Variants in PCDH15 observed in about 807,000 individuals in gnomAD.
The protein encoded by PCDH15 is protocadherin-15.
A neutral mutation model predicts 178.5 loss-of-function variants in PCDH15; 129 were observed. That is an observed-to-expected ratio of 0.72 (90% confidence interval 0.63 to 0.84). PCDH15 has a LOEUF of 0.84. Ranked by LOEUF, PCDH15 falls within the 40% of genes least tolerant of loss-of-function variation. The pLI is 0.00. For missense variants in PCDH15, 2,230 were observed against 2,099.9 expected (o/e 1.06, Z -1.21); for synonymous variants, 800 against 732.0 (o/e 1.09, Z -1.50).
At chr10:54,779,425 C>T (rs1950052128) in intron 1 of PCDH15, among the ~76,000 whole-genome samples, 1 of 122,602 alleles carries the variant, frequency 8.2e-6, no homozygotes, top group Admixed American at 8.9e-5. Flanking sequence ...TATATATACA[C>T]ACACATATGT....
At chr10:55,578,456 C>G (rs915219168) in intron 2 of PCDH15, among the ~76,000 whole-genome samples, 1 of 152,086 alleles carries the variant, frequency 6.6e-6, no homozygotes, top group South Asian at 2.1e-4. Context: ...GCTGACCTCA[C>G]GATGCGCCCG....
chr10:53,927,056 G>A (rs960818360), intron 25 of PCDH15, among the ~76,000 whole-genome samples: 4 of 152,034 alleles, frequency 2.6e-5, no homozygotes, highest in Non-Finnish European at 5.9e-5. Context: ...TATTAGATGT[G>A]CCTCAAAAAT....
At chr10:55,601,250 A>G (rs766272310) in intron 2 of PCDH15, among the ~76,000 whole-genome samples, 1 of 152,208 alleles carries the variant, frequency 6.6e-6, no homozygotes, top group South Asian at 2.1e-4. Context: ...ACATACACTT[A>G]TATATTGAAT....
At chr10:55,440,907 C>T (rs1389904300) in intron 2 of PCDH15, among the ~76,000 whole-genome samples, 1 of 152,064 alleles carries the variant, frequency 6.6e-6, no homozygotes, top group Non-Finnish European at 1.5e-5. Context: ...AGGGGTTTCC[C>T]CATATAAAAC....
At chr10:55,361,005 C>T (rs1256617478) in intron 2 of PCDH15, among the ~76,000 whole-genome samples, 2 of 151,860 alleles carry the variant, frequency 1.3e-5, no homozygotes, top group East Asian at 3.9e-4. Flanking sequence ...CATAGCAACA[C>T]GAACGAACTG....
chr10:55,500,097 T>C (rs1240938962), intron 2 of PCDH15, among the ~76,000 whole-genome samples: 8 of 151,738 alleles, frequency 5.3e-5, no homozygotes. Flanking sequence ...AAATTGTTAA[T>C]GGTGATTATG....
At chr10:54,553,339 T>G (rs1032141147) in intron 2 of PCDH15, among the ~76,000 whole-genome samples, 9 of 151,966 alleles carry the variant, frequency 5.9e-5, no homozygotes, top group African/African-American at 2.2e-4. Context: ...ACTGTGATGG[T>G]GGGGTCTAGG....
chr10:54,386,510 A>C (rs1949954020), intron 3 of PCDH15, among the ~76,000 whole-genome samples: 1 of 152,096 alleles, frequency 6.6e-6, no homozygotes, highest in Admixed American at 6.6e-5. Context: ...TTCAAATATT[A>C]ATCAGAGAAC....
At chr10:55,018,788 CA>C (rs1360537145) in intron 2 of PCDH15, among the ~76,000 whole-genome samples, 3 of 152,056 alleles carry the variant, frequency 2.0e-5, no homozygotes, top group Non-Finnish European at 4.4e-5. Flanking sequence ...GCAGCTAGAA[CA>C]TTTTGTTGAC....
At chr10:54,101,061 G>A (rs890572613) in intron 15 of PCDH15, among the ~76,000 whole-genome samples, 1 of 152,090 alleles carries the variant, frequency 6.6e-6, no homozygotes, top group African/African-American at 2.4e-5. Context: ...TTGTGGGAGA[G>A]ACCTGGTAGG....
intron 3 of PCDH15, among the ~76,000 whole-genome samples, chr10:54,397,402 C>T (rs1951379066): frequency 6.6e-6 from 1 of 152,016 alleles, no homozygotes; most frequent in Non-Finnish European, 1.5e-5. Context: ...CCCTTCACTT[C>T]CTCCAATGCT....
At chr10:55,529,778 T>TATATATATATATATATATA (rs1841405590) in intron 2 of PCDH15, among the ~76,000 whole-genome samples, 1 of 138,308 alleles carries the variant, frequency 7.2e-6, no homozygotes, top group African/African-American at 2.7e-5. Context: ...TATATATATA[T>TATATATATATATATATATA]TTGATTACCA....
intron 13 of PCDH15, among the ~76,000 whole-genome samples, chr10:54,161,944 A>C (rs1226598083): frequency 6.6e-6 from 1 of 152,066 alleles, no homozygotes; most frequent in Admixed American, 6.6e-5. Flanking sequence ...TTGTTGTCTC[A>C]CTGATTGGCA....
At chr10:54,647,591 GT>G (rs1239251647) in intron 2 of PCDH15, among the ~76,000 whole-genome samples, 1 of 152,094 alleles carries the variant, frequency 6.6e-6, no homozygotes, top group African/African-American at 2.4e-5. Flanking sequence ...CTTTATGGCT[GT>G]TAGATGTAGG....
At chr10:55,613,145 C>T (rs544446657) in intron 2 of PCDH15, among the ~76,000 whole-genome samples, 3 of 150,918 alleles carry the variant, frequency 2.0e-5, no homozygotes, top group Non-Finnish European at 4.4e-5. Context: ...CAGACAGTGT[C>T]CAGTCAGAAA....
At chr10:55,408,227 T>C (rs561410055) in intron 2 of PCDH15, among the ~76,000 whole-genome samples, 65 of 151,306 alleles carry the variant, frequency 4.3e-4, no homozygotes, top group African/African-American at 1.6e-3. Flanking sequence ...CACTTGTCAC[T>C]GAGGCTGGAG....
chr10:54,708,228 G>T (rs1448956988), intron 1 of PCDH15, among the ~76,000 whole-genome samples: 1 of 152,188 alleles, frequency 6.6e-6, no homozygotes, highest in Non-Finnish European at 1.5e-5. Context: ...TTGCTAAATA[G>T]AAGTGGAATA....
At chr10:54,723,717 C>A (rs1942035778) in intron 1 of PCDH15, among the ~76,000 whole-genome samples, 1 of 149,980 alleles carries the variant, frequency 6.7e-6, no homozygotes, top group African/African-American at 2.5e-5. Context: ...AATAATTCCA[C>A]TGAAGAGTGG....
intron 2 of PCDH15, among the ~76,000 whole-genome samples, chr10:55,025,974 A>T (rs1840466006): frequency 6.6e-6 from 1 of 152,040 alleles, no homozygotes; most frequent in Non-Finnish European, 1.5e-5. Context: ...CAGAATATTA[A>T]GATGAAAAAA....
Sources: gnomAD v4.1 joint callset for allele counts (sites outside exome capture counted in the v4.1 genomes callset) on GRCh38, gnomAD v4.1.1 for gene constraint, MANE v1.5 for transcripts, NCBI Gene and HGNC (gene_info 2026-07-23, HGNC 2026-07-21) for gene names.